The following FRMPD4 variants were observed in gnomAD, a reference collection of about 807,000 sequenced individuals.
The protein encoded by FRMPD4 is FERM and PDZ domain containing 4.
FRMPD4 carries 22 observed loss-of-function variants against 94.1 expected under a neutral mutation model. The observed-to-expected ratio is 0.23, with a 90% CI of 0.17 to 0.33. The LOEUF is 0.33. Ranked by LOEUF, FRMPD4 falls within the 10% of genes least tolerant of loss-of-function variation. The pLI, the probability that FRMPD4 is intolerant of heterozygous loss-of-function variation, is 1.00. For missense variants in FRMPD4, 1,111 were observed against 1,339.9 expected (o/e 0.83, Z 2.67); for synonymous variants, 631 against 548.6 (o/e 1.15, Z -2.10).
At chrX:12,414,017 G>C (rs143119445) in intron 1 of FRMPD4, among the ~76,000 whole-genome samples, 68 of 112,720 alleles carry the variant, frequency 6.0e-4, no homozygotes, top group African/African-American at 2.0e-3. Flanking sequence ...GGCCTTCCCT[G>C]TTAAACCAGT....
chrX:12,455,441 C>T (rs931543252), intron 1 of FRMPD4, among the ~76,000 whole-genome samples: 1 of 111,636 alleles, frequency 9.0e-6, no homozygotes, highest in Non-Finnish European at 1.9e-5. Flanking sequence ...TTGCTATTGC[C>T]CAGCATGTTA....
At chrX:12,311,884 ACT>A (rs2055036655) in intron 1 of FRMPD4, among the ~76,000 whole-genome samples, 1 of 110,843 alleles carries the variant, frequency 9.0e-6, no homozygotes, top group Admixed American at 9.6e-5. Context: ...TTTCATTTAT[ACT>A]CTTTGTTCTT....
chrX:12,026,128 A>G (rs1355495037), intron 3 of FRMPD4, among the ~76,000 whole-genome samples: 1 of 110,863 alleles, frequency 9.0e-6, no homozygotes, highest in Non-Finnish European at 1.9e-5. Context: ...ACAGCAACCC[A>G]TTTGCTAGTC....
At chrX:11,972,932 G>A (rs2054348452) in intron 3 of FRMPD4, among the ~76,000 whole-genome samples, 1 of 112,246 alleles carries the variant, frequency 8.9e-6, no homozygotes, top group Non-Finnish European at 1.9e-5. Context: ...GCCCATAGAA[G>A]CTGCTAGACC....
intron 3 of FRMPD4, among the ~76,000 whole-genome samples, chrX:11,923,120 C>T (rs2147346311): frequency 8.8e-6 from 1 of 113,171 alleles, no homozygotes; most frequent in African/African-American, 3.2e-5. Flanking sequence ...CACAGCAACT[C>T]CCTGCATTGC....
chrX:12,465,295 A>T (rs1221438850), intron 1 of FRMPD4, among the ~76,000 whole-genome samples: 1 of 112,020 alleles, frequency 8.9e-6, no homozygotes, highest in Non-Finnish European at 1.9e-5. Context: ...CTCCATGATA[A>T]AATGTCATTG....
At chrX:12,188,700 T>G (rs1177188265) in intron 1 of FRMPD4, among the ~76,000 whole-genome samples, 1 of 111,999 alleles carries the variant, frequency 8.9e-6, no homozygotes, top group East Asian at 2.8e-4. Flanking sequence ...TGCCATCCCT[T>G]TTTGTCCAGC....
At chrX:12,197,694 A>G (rs746181047) in intron 1 of FRMPD4, among the ~76,000 whole-genome samples, 16 of 112,114 alleles carry the variant, frequency 1.4e-4, no homozygotes, top group African/African-American at 4.5e-4. Flanking sequence ...TTGATATCCA[A>G]TGTATTCAAG....
intron 1 of FRMPD4, among the ~76,000 whole-genome samples, chrX:12,349,003 G>C (rs1303469058): frequency 8.9e-6 from 1 of 112,295 alleles, no homozygotes; most frequent in African/African-American, 3.2e-5. Context: ...TGGAAGAAAA[G>C]GGAGAGCTCC....
intron 1 of FRMPD4, among the ~76,000 whole-genome samples, chrX:12,348,626 C>G (rs1381979439): frequency 9.3e-6 from 1 of 107,604 alleles, no homozygotes; most frequent in Non-Finnish European, 1.9e-5. Context: ...CTTGACTAAG[C>G]CTTCACTGTC....
chrX:12,571,655 C>A (rs1165073801), intron 2 of FRMPD4, among the ~76,000 whole-genome samples: 1 of 112,769 alleles, frequency 8.9e-6, no homozygotes, highest in Non-Finnish European at 1.9e-5. Flanking sequence ...CCTCTTTCTT[C>A]CCCTTCCAGC....
intron 1 of FRMPD4, among the ~76,000 whole-genome samples, chrX:12,367,125 C>T (rs1047596203): frequency 1.8e-5 from 2 of 112,135 alleles, no homozygotes; most frequent in African/African-American, 6.5e-5. Flanking sequence ...GAGACATATA[C>T]AACCTTGCTT....
At chrX:12,149,219 C>T (rs995647806) in intron 1 of FRMPD4, 2 of 111,912 alleles carry the variant, frequency 1.8e-5, no homozygotes, top group East Asian at 5.6e-4. Flanking sequence ...ATTCTCAGTA[C>T]TACACTTGAC....
At chrX:11,856,026 G>A (rs1461718861) in intron 1 of FRMPD4, among the ~76,000 whole-genome samples, 1 of 112,073 alleles carries the variant, frequency 8.9e-6, no homozygotes, top group Non-Finnish European at 1.9e-5. Flanking sequence ...ATTCCACACA[G>A]CTGGGAAGGC....
In FRMPD4 at chrX:12,498,775, A is replaced by G; in HGVS notation, c.137A>G (p.Asp46Gly). The G allele has an allele frequency of 8.7e-7, 1 of 1,149,086 alleles. No individual in the cohort carries two copies. The highest frequency in any genetic ancestry group is 1.2e-6 in the Non-Finnish European group (1 of 841,986). 94.7% of individuals were successfully genotyped at this position (1,149,086 alleles called of 1,213,427 possible). The change falls in exon 2 of 17, where the codon GAT becomes GGT. Residue 46 changes from aspartate to glycine, a missense_variant. Asp to Gly is a moderately conservative substitution (Grantham distance 94). This residue lies in a region of FRMPD4 where 140 missense variants were observed against 165.9 expected (regional missense o/e 0.84). Coordinates refer to ENST00000675598, the MANE Select transcript of FRMPD4 (RefSeq NM_001368397.1). ...PYGWEMTANRDGRDYFINHMT... is the reference protein window; with the variant it reads ...PYGWEMTANRGGRDYFINHMT... ...GGATGGGAGATGACGGCAAACCGAG[A>G]TGGGCGAGACTACTTCATCAAGTAG...
At chrX:11,958,035 T>C (rs1239574254) in intron 3 of FRMPD4, among the ~76,000 whole-genome samples, 3 of 112,138 alleles carry the variant, frequency 2.7e-5, no homozygotes, top group African/African-American at 9.7e-5. Flanking sequence ...CCCCAATTGG[T>C]CTTTTGTTCA....
intron 1 of FRMPD4, among the ~76,000 whole-genome samples, chrX:12,161,599 A>T (rs776440636): frequency 1.8e-5 from 2 of 111,816 alleles, no homozygotes; most frequent in Admixed American, 9.5e-5. Context: ...TAAGTAACTA[A>T]CTTATCCAAG....
intron 3 of FRMPD4, among the ~76,000 whole-genome samples, chrX:12,085,283 TTA>T (rs1175293356): frequency 2.7e-5 from 3 of 112,546 alleles, no homozygotes; most frequent in Admixed American, 9.4e-5. Context: ...CTGAGAGGGC[TTA>T]TGTTTTATAG....
chrX:12,556,428 G>T (rs906990304), intron 2 of FRMPD4, among the ~76,000 whole-genome samples: 1 of 111,123 alleles, frequency 9.0e-6, no homozygotes, highest in Non-Finnish European at 1.9e-5. Flanking sequence ...GCCTACGGAG[G>T]GGGGTGGACT....
Sources: gnomAD v4.1 joint callset for allele counts (sites outside exome capture counted in the v4.1 genomes callset) on GRCh38, gnomAD v4.1.1 for gene constraint, gnomAD v4.1.1 regional missense constraint, MANE v1.5 for transcripts, NCBI Gene and HGNC (gene_info 2026-07-23, HGNC 2026-07-21) for gene names.